CASD1: variants seen among roughly 807,000 people sequenced by gnomAD.
The protein encoded by CASD1 is CAS1 domain sialic acid O acetyltransferase 1.
CASD1 carries 41 observed loss-of-function variants against 100.0 expected under a neutral mutation model. That is an observed-to-expected ratio of 0.41 (90% CI 0.32 to 0.53). The LOEUF (loss-of-function observed/expected upper bound fraction) is 0.53. CASD1 is among the 20% of genes least tolerant of loss of function. The pLI is 0.25. For missense variants in CASD1, 774 were observed against 948.7 expected, an observed-to-expected ratio of 0.82 and a Z score of 2.42; for synonymous variants, 321 against 315.6, an observed-to-expected ratio of 1.02 and a Z score of -0.18.
chr7:94,543,295 T>C (rs1012539618), intron 10 of CASD1, among the ~76,000 whole-genome samples: 2 of 152,160 alleles, frequency 1.3e-5, no homozygotes, highest in South Asian at 2.1e-4. Context: ...TCAGGACTTA[T>C]AAAATCTATT....
At chr7:94,604,537 G>C in the CASD1 span, among the ~76,000 whole-genome samples, 1 of 151,266 alleles carries the variant, frequency 6.6e-6, no homozygotes, top group South Asian at 2.1e-4. Context: ...CATAGGAACA[G>C]ACAGACAGAT....
chr7:94,534,379 C>T (rs1264320543), intron 7 of CASD1, among the ~76,000 whole-genome samples: 2 of 151,746 alleles, frequency 1.3e-5, no homozygotes, highest in African/African-American at 4.8e-5. Context: ...TGTTTCATAA[C>T]ATTAAAGTCA....
chr7:94,633,516 T>C, the CASD1 span, among the ~76,000 whole-genome samples: 6 of 152,248 alleles, frequency 3.9e-5, no homozygotes, highest in East Asian at 1.9e-4. Context: ...AAAACTGTTA[T>C]CTGTATGTTT....
the CASD1 span, among the ~76,000 whole-genome samples, chr7:94,608,889 T>C: frequency 3.3e-5 from 5 of 152,172 alleles, no homozygotes; most frequent in Admixed American, 1.3e-4. Context: ...TGAATCTAGA[T>C]ACATATGCCC....
At chr7:94,527,120 TTAATC>T in intron 3 of CASD1, 37 bp from the exon 4 acceptor site, 1 of 1,469,486 alleles carries the variant, frequency 6.8e-7, no homozygotes, top group Non-Finnish European at 9.4e-7. Flanking sequence ...TTATATAAAT[TTAATC>T]TATACATTAA....
intron 11 of CASD1, among the ~76,000 whole-genome samples, chr7:94,544,831 C>G (rs908302410): frequency 2.6e-5 from 4 of 152,170 alleles, no homozygotes; most frequent in Admixed American, 2.6e-4. Flanking sequence ...GCTATGTTTT[C>G]TTTCTTTGAG....
chr7:94,583,348 G>A, the CASD1 span, among the ~76,000 whole-genome samples: 4 of 152,128 alleles, frequency 2.6e-5, no homozygotes, highest in African/African-American at 9.7e-5. Context: ...TCACTGCCCA[G>A]TACCATTACT....
chr7:94,555,492 CTATT>C lies in CASD1; in HGVS notation c.2134_2137del (p.Ile712AlafsTer17). ...CTGACTTAAATATTTTTTCTCCTAGCTATTTATTTGCCAGTATCACATATGGCTG... is the reference window on the plus strand; with the variant it reads ...CTGACTTAAATATTTTTTCTCCTAGCTATTTGCCAGTATCACATATGGCTG... On this transcript the variant is annotated frameshift_variant and splice_region_variant, in exon 18 of 18. Coordinates refer to ENST00000297273, the MANE Select transcript of CASD1 (RefSeq NM_022900.5). LOFTEE classifies it high-confidence loss of function. 6.2e-7 allele frequency: 1 copy of C among 1,609,854 alleles called. No individual in the cohort carries two copies. Among genetic ancestry groups the C allele is most frequent in the Non-Finnish European group, 8.5e-7 (1 of 1,177,738 alleles).
At chr7:94,631,863 T>C in the CASD1 span, among the ~76,000 whole-genome samples, 3 of 152,050 alleles carry the variant, frequency 2.0e-5, no homozygotes, top group African/African-American at 4.8e-5. Context: ...TAAAGGAATC[T>C]CTTTGTAGTT....
the CASD1 span, among the ~76,000 whole-genome samples, chr7:94,630,796 C>G: frequency 6.6e-6 from 1 of 151,870 alleles, no homozygotes; most frequent in Admixed American, 6.6e-5. Context: ...TCTTTTAAGT[C>G]ATTAATGGAT....
At chr7:94,540,604 G>A (rs1294412835) in intron 10 of CASD1, among the ~76,000 whole-genome samples, 2 of 152,102 alleles carry the variant, frequency 1.3e-5, no homozygotes, top group Admixed American at 6.6e-5. Context: ...TGCAGCTGAC[G>A]GGAAGCTAGT....
chr7:94,537,839 T>C lies in CASD1; in HGVS notation c.1211T>C (p.Ile404Thr). Residue 404 changes from isoleucine (I) to threonine (T), a missense_variant, in exon 9 of 18, where the codon ATT becomes ACT. Physicochemically the swap from Ile to Thr is moderately conservative, Grantham distance 89. Around this residue, in one of 5 missense-constraint regions of CASD1, gnomAD observed 453 missense variants for 532.6 expected, o/e 0.85. Coordinates refer to ENST00000297273, the MANE Select transcript of CASD1 (RefSeq NM_022900.5). ...NKFYTHSSFF[I>T]PIIYILVLGV... is the part of the protein sequence containing the mutation. ...TTTTATACACATTCATCTTTCTTTA[T>C]TCCAATTATCTACATTTTGGTTTTG... The C allele has an allele frequency of 6.3e-7, 1 of 1,582,940 alleles. No individual in the cohort carries two copies. The highest frequency in any genetic ancestry group is 8.7e-7 in the Non-Finnish European group (1 of 1,152,222).
chr7:94,562,425 A>G, the CASD1 span, among the ~76,000 whole-genome samples: 2 of 152,274 alleles, frequency 1.3e-5, no homozygotes, highest in Admixed American at 6.5e-5. Context: ...TACAAATGGT[A>G]GTAGTAATAT....
At chr7:94,596,450 A>G in the CASD1 span, among the ~76,000 whole-genome samples, 1 of 152,130 alleles carries the variant, frequency 6.6e-6, no homozygotes, top group Non-Finnish European at 1.5e-5. Context: ...TTTCTACTCT[A>G]AAATTCTACA....
chr7:94,567,718 T>C, the CASD1 span, among the ~76,000 whole-genome samples: 1 of 152,204 alleles, frequency 6.6e-6, no homozygotes, highest in African/African-American at 2.4e-5. Flanking sequence ...TTCCTTGTTA[T>C]GTATGTATTT....
At chr7:94,628,159 C>T in the CASD1 span, 2 of 1,480,470 alleles carry the variant, frequency 1.4e-6, no homozygotes, top group East Asian at 2.3e-5. Flanking sequence ...CACACACACA[C>T]ACACATATAT....
chr7:94,613,532 C>A, the CASD1 span, among the ~76,000 whole-genome samples: 1 of 152,134 alleles, frequency 6.6e-6, no homozygotes, highest in African/African-American at 2.4e-5. Context: ...CTGGAGTGCA[C>A]TAGATAGAGT....
At chr7:94,520,229 T>C (rs1794192120) in intron 3 of CASD1, among the ~76,000 whole-genome samples, 1 of 152,208 alleles carries the variant, frequency 6.6e-6, no homozygotes, top group East Asian at 1.9e-4. Flanking sequence ...AGAAATTACA[T>C]ATCATCATTA....
the CASD1 span, among the ~76,000 whole-genome samples, chr7:94,583,352 C>G: frequency 1.3e-5 from 2 of 152,140 alleles, no homozygotes; most frequent in Admixed American, 6.5e-5. Context: ...TGCCCAGTAC[C>G]ATTACTGATG....
Sources: gnomAD v4.1 joint callset for allele counts (sites outside exome capture counted in the v4.1 genomes callset) on GRCh38, gnomAD v4.1.1 for gene constraint, gnomAD v4.1.1 regional missense constraint, MANE v1.5 for transcripts, NCBI Gene and HGNC (gene_info 2026-07-23, HGNC 2026-07-21) for gene names.